ZNF750: variants seen among roughly 807,000 people sequenced by gnomAD.
ZNF750 encodes the protein zinc finger protein 750.
In ZNF750, 10 loss-of-function variants were observed where a neutral mutation model predicts 31.6. That is an observed-to-expected ratio of 0.32 (90% confidence interval 0.19 to 0.54). The LOEUF is 0.54. Among genes scored for constraint, ZNF750 ranks in the 20% least tolerant of loss-of-function variants. The pLI, the probability that ZNF750 is intolerant of heterozygous loss-of-function variation, is 0.95. For synonymous variants in ZNF750, 400 were observed against 404.9 expected (o/e 0.99, Z 0.15); for missense variants, 914 against 934.9 (o/e 0.98, Z 0.29).
In ZNF750 at chr17:82,830,721, C is replaced by T. The variant is rs928667145; in HGVS notation, c.1593G>A (p.Thr531=). Residue 531 remains threonine (T), a synonymous_variant, in exon 3 of 3, where the codon ACG becomes ACA. Coordinates refer to ENST00000269394, the MANE Select transcript of ZNF750 (RefSeq NM_024702.3). ...TTTCCGCCTGGGGGCTGCCTTGGTA[C>T]GTGGGTTCGTGGGTGGCTGCCAGGT... The part of the protein sequence containing the change: ...EINLAATHEP[T]YQGSPQAETA... 2 of 1,613,830 alleles carry T rather than the reference C, an allele frequency of 1.2e-6. No individual in the cohort carries two copies. The highest frequency in any genetic ancestry group is 1.3e-5 in the African/African-American group (1 of 74,872).
chr17:82,837,350 G>A (rs2054078125), intron 1 of ZNF750, among the ~76,000 whole-genome samples: 1 of 152,212 alleles, frequency 6.6e-6, no homozygotes, highest in Admixed American at 6.5e-5. Flanking sequence ...TCTGGCAGCT[G>A]CTGGTGTTAA....
In ZNF750 at chr17:82,832,540, A is replaced by G. The variant is rs970512499; in HGVS notation, c.-86T>C. ...TGCACTTCGTGGTTTCTAAAGAGGC[A>G]CCTCCCGCTTTGCTTTCTTTCCCGA... On this transcript the variant is annotated 5_prime_UTR_variant, in exon 2 of 3. Coordinates refer to ENST00000269394, the MANE Select transcript of ZNF750 (RefSeq NM_024702.3). This position sits in a 1 kb window ranked among gnomAD's most constrained non-coding sequence, Gnocchi z 4.9. The G allele has an allele frequency of 4.1e-6, 5 of 1,217,426 alleles. No individual in the cohort carries two copies. Among genetic ancestry groups the G allele is most frequent in the Non-Finnish European group, 6.0e-6 (5 of 839,468 alleles). The allele number at this position is 1,217,426 out of a possible 1,614,324, so 75.4% of individuals were successfully genotyped here. A position where few individuals can be genotyped will look rare whatever the true frequency, so the allele number is the denominator to read the frequency against.
At position 82,832,908 on chromosome 17, in the gene ZNF750, C is replaced by T. The variant is rs2053645677; in HGVS notation, c.-182-272G>A. The stretch of plus-strand genomic sequence containing the variant: ...TAGAGGTGGAGTGTGGTGTGTGGTG[C>T]GTTGAGTGTCTGTTCTGAGAATGCC... On this transcript the variant is annotated intron_variant, in intron 1 of 2. Transcript: ENST00000269394. The surrounding 1 kb of genome is among the most constrained non-coding windows in gnomAD (Gnocchi z 4.9). 1.3e-5 allele frequency among the ~76,000 whole-genome samples: 2 copies of T among 152,114 alleles called. No individual in the cohort carries two copies. Among genetic ancestry groups the T allele is most frequent in the South Asian group, 4.1e-4 (2 of 4,826 alleles).
chr17:82,829,782 A>G lies in ZNF750; in HGVS notation c.*360T>C, dbSNP rs557352277. On this transcript the variant is annotated 3_prime_UTR_variant, in exon 3 of 3. Coordinates refer to ENST00000269394, the MANE Select transcript of ZNF750 (RefSeq NM_024702.3). ...TTTCAGTAATTGTCATTTACATCAAATATGCAGCTAGAGCTAATAGAAAAA... is the reference window on the plus strand; with the variant it reads ...TTTCAGTAATTGTCATTTACATCAAGTATGCAGCTAGAGCTAATAGAAAAA... 6.6e-4 allele frequency: 149 copies of G among 224,500 alleles called. No individual in the cohort carries two copies. The highest frequency in any genetic ancestry group is 3.1e-3 in the African/African-American group (137 of 44,058). 13.9% of individuals were successfully genotyped at this position (224,500 alleles called of 1,614,324 possible). A position where few individuals can be genotyped will look rare whatever the true frequency, so the allele number is the denominator to read the frequency against.
Position 82,833,264 on chromosome 17 carries a change from G to A in ZNF750, c.-182-628C>T, listed in dbSNP as rs773632787. On this transcript the variant is annotated intron_variant, in intron 1 of 2. Transcript: ENST00000269394. This position sits in a 1 kb window ranked among gnomAD's most constrained non-coding sequence, Gnocchi z 4.7. ...CTGGGAGCTCTCCCAAGTGCTGTGCGCCCCTGCCGTCGGCCTGTAGAACCC... is the reference window on the plus strand; with the variant it reads ...CTGGGAGCTCTCCCAAGTGCTGTGCACCCCTGCCGTCGGCCTGTAGAACCC... Among the ~76,000 whole-genome samples, 11 of 152,028 alleles carry A rather than the reference G, an allele frequency of 7.2e-5. No homozygotes were observed. Among genetic ancestry groups the A allele is most frequent in the Non-Finnish European group, 1.2e-4 (8 of 68,008 alleles).
At position 82,831,333 on chromosome 17, in the gene ZNF750, G is replaced by T. The variant is rs369627802; in HGVS notation, c.1122C>A (p.His374Gln). The change falls in exon 2 of 3, where the codon CAC becomes CAA. Residue 374 changes from histidine (H) to glutamine (Q), a missense_variant. Physicochemically the swap from His to Gln is conservative, Grantham distance 24. Around this residue, in one of 2 missense-constraint regions of ZNF750, gnomAD observed 880 missense variants for 868.9 expected, o/e 1.01. Coordinates refer to ENST00000269394, the MANE Select transcript of ZNF750 (RefSeq NM_024702.3). The surrounding 1 kb of genome is among the most constrained non-coding windows in gnomAD (Gnocchi z 4.6). ...RLNPSDPNRK[H>Q]VEFESPIPEA... is the part of the protein sequence containing the mutation. ...CAGGAATTGGACTTTCGAACTCGAC[G>T]TGTTTTCTGTTGGGGTCCGAAGGGT... The T allele has an allele frequency of 1.2e-6, 2 of 1,614,030 alleles. No homozygotes were observed. The highest frequency in any genetic ancestry group is 2.2e-5 in the East Asian group (1 of 44,874).
intron 1 of ZNF750, among the ~76,000 whole-genome samples, chr17:82,834,729 C>A (rs1421707979): frequency 8.9e-6 from 1 of 111,838 alleles, no homozygotes; most frequent in Non-Finnish European, 1.8e-5. Context: ...GGGTGGGGGT[C>A]GGGGGGAGGG....
rs1338211631 is a variant in ZNF750, at chr17:82,831,165, C to T, written c.1290G>A (p.Leu430=). Residue 430 remains leucine, a synonymous_variant, in exon 2 of 3, where the codon CTG becomes CTA. Transcript: ENST00000269394. The surrounding 1 kb of genome is among the most constrained non-coding windows in gnomAD (Gnocchi z 4.6). ...FMQTSQTCEG[L]YDLSNKAASS... is the part of the protein sequence containing the mutation. The stretch of plus-strand genomic sequence containing the variant: ...AGGCTGCCTTGTTGGAGAGGTCGTA[C>T]AGGCCTTCGCAGGTCTGGCTCGTCT... 5.6e-6 allele frequency: 9 copies of T among 1,614,020 alleles called. No individual in the cohort carries two copies. The highest frequency in any genetic ancestry group is 5.0e-5 in the Admixed American group (3 of 60,006).
Position 82,832,428 on chromosome 17 carries a change from T to G in ZNF750, c.27A>C (p.Pro9=). ...GCCTGGGGATGTAATGTGGCTTTTT[T>G]GGCTTCCGCTCTTTGAGGAGACTCA... is the stretch of plus-strand genomic sequence containing the variant. MSLLKERK[P]KKPHYIPRPP... The change falls in exon 2 of 3, where the codon CCA becomes CCC. Residue 9 remains proline, a synonymous_variant. Transcript: ENST00000269394. This position sits in a 1 kb window ranked among gnomAD's most constrained non-coding sequence, Gnocchi z 4.9. 6.2e-7 allele frequency: 1 copy of G among 1,613,418 alleles called. No homozygotes were observed. Among genetic ancestry groups the G allele is most frequent in the Non-Finnish European group, 8.5e-7 (1 of 1,180,032 alleles).
rs1368262283 is a variant in ZNF750 at position 82,835,273 on chromosome 17, A to G, written c.-182-2637T>C. Among the ~76,000 whole-genome samples, 4 of 151,978 alleles carry G rather than the reference A, an allele frequency of 2.6e-5. No homozygotes were observed. Among genetic ancestry groups the G allele is most frequent in the Non-Finnish European group, 5.9e-5 (4 of 67,972 alleles). On this transcript the variant is annotated intron_variant, in intron 1 of 2. Coordinates refer to ENST00000269394, the MANE Select transcript of ZNF750 (RefSeq NM_024702.3). The surrounding 1 kb of genome is among the most constrained non-coding windows in gnomAD (Gnocchi z 4.5). ...GCAGCTGTCCCTGAAGCAAGGCGCC[A>G]CCCCTCCTCCCTGCACCCGTGTCCT...
rs115050051 is a variant in ZNF750 at position 82,837,386 on chromosome 17, C to T, written c.-183+2541G>A. Among the ~76,000 whole-genome samples, 1,343 of 152,236 alleles carry T rather than the reference C, an allele frequency of 8.8e-3. 16 individuals are homozygous for T. The highest frequency in any genetic ancestry group is 0.031 in the African/African-American group (1,300 of 41,528). On this transcript the variant is annotated intron_variant, in intron 1 of 2. Transcript: ENST00000269394. ...ATATTCCCAAAAGAGTATGTTGTTG[C>T]CCAAACAGTGTAACCCAGAAATCTA... is the stretch of plus-strand genomic sequence containing the variant.
intron 1 of ZNF750, among the ~76,000 whole-genome samples, chr17:82,837,922 T>C (rs1942352391): frequency 6.6e-6 from 1 of 152,182 alleles, no homozygotes; most frequent in African/African-American, 2.4e-5. Flanking sequence ...AACAGTGGGG[T>C]GCAGTGGCTT....
chr17:82,831,324 G>C lies in ZNF750; in HGVS notation c.1131C>G (p.Phe377Leu), dbSNP rs371946502. 4.2e-5 allele frequency: 67 copies of C among 1,613,808 alleles called. No individual in the cohort carries two copies. The highest frequency in any genetic ancestry group is 3.5e-5 in the Non-Finnish European group (41 of 1,180,020). ...CTTTAGCCTCAGGAATTGGACTTTC[G>C]AACTCGACGTGTTTTCTGTTGGGGT... Reference protein sequence around the residue: ...PSDPNRKHVEFESPIPEAKDS... With the variant: ...PSDPNRKHVELESPIPEAKDS... The change falls in exon 2 of 3, where the codon TTC becomes TTG. Residue 377 changes from phenylalanine to leucine, a missense_variant. Transcript: ENST00000269394. The surrounding 1 kb of genome is among the most constrained non-coding windows in gnomAD (Gnocchi z 4.6).
Position 82,829,870 on chromosome 17 carries a change from T to C in ZNF750, c.*272A>G, listed in dbSNP as rs921445834. Reference sequence around the variant, plus strand: ...AAGGAAACATTTATAAAAGATCTTCTGTAAGACAGCTTAGACTTGAAAATA... The same window carrying C: ...AAGGAAACATTTATAAAAGATCTTCCGTAAGACAGCTTAGACTTGAAAATA... On this transcript the variant is annotated 3_prime_UTR_variant, in exon 3 of 3. Coordinates refer to ENST00000269394, the MANE Select transcript of ZNF750 (RefSeq NM_024702.3). 1 of 516,656 alleles carries C rather than the reference T, an allele frequency of 1.9e-6. No individual in the cohort carries two copies. The highest frequency in any genetic ancestry group is 1.9e-5 in the African/African-American group (1 of 52,802). 32.0% of individuals were successfully genotyped at this position (516,656 alleles called of 1,614,324 possible). A position where few individuals can be genotyped will look rare whatever the true frequency, so the allele number is the denominator to read the frequency against.
At position 82,835,385 on chromosome 17, in the gene ZNF750, C is replaced by G. The variant is rs972408806; in HGVS notation, c.-182-2749G>C. The stretch of plus-strand genomic sequence containing the variant: ...TGGGGAAGTGCTCTGATTTTGTTCT[C>G]AGCAAACTGGTTTCTCTACTGATTT... On this transcript the variant is annotated intron_variant, in intron 1 of 2. Transcript: ENST00000269394. The surrounding 1 kb of genome is among the most constrained non-coding windows in gnomAD (Gnocchi z 4.5). 6.6e-6 allele frequency among the ~76,000 whole-genome samples: 1 copy of G among 152,106 alleles called. No homozygotes were observed. The highest frequency in any genetic ancestry group is 6.5e-5 in the Admixed American group (1 of 15,282).
At chr17:82,839,740 A>G (rs1289207726) in intron 1 of ZNF750, among the ~76,000 whole-genome samples, 187 bp downstream of exon 1, 1 of 152,246 alleles carries the variant, frequency 6.6e-6, no homozygotes, top group Non-Finnish European at 1.5e-5. Context: ...TGTCAGCCTC[A>G]TTAGAAGTTT....
chr17:82,838,675 A>G (rs1345800722), intron 1 of ZNF750: 1 of 985,334 alleles, frequency 1.0e-6, no homozygotes, highest in African/African-American at 1.7e-5. Context: ...ACTCCCTCCC[A>G]GCCTTTCGGT....
In ZNF750 at chr17:82,830,622, C is replaced by T. The variant is rs758825441; in HGVS notation, c.1692G>A (p.Pro564=). Reference sequence around the variant, plus strand: ...GTGGTCGACCGGGGAAGGCAGGCCTCGGAGCCTGGGTGTTACAGGGGTCCT... The same window carrying T: ...GTGGTCGACCGGGGAAGGCAGGCCTTGGAGCCTGGGTGTTACAGGGGTCCT... ...SVKDPCNTQA[P]RPAFPGRPRA... is the part of the protein sequence containing the mutation. Residue 564 remains proline, a synonymous_variant, in exon 3 of 3, where the codon CCG becomes CCA. Transcript: ENST00000269394. 2.5e-6 allele frequency: 4 copies of T among 1,613,900 alleles called. No individual in the cohort carries two copies. Among genetic ancestry groups the T allele is most frequent in the East Asian group, 2.2e-5 (1 of 44,878 alleles).
At position 82,831,666 on chromosome 17, in the gene ZNF750, C is replaced by T. The variant is rs528607524; in HGVS notation, c.789G>A (p.Gly263=). 3.0e-4 allele frequency: 482 copies of T among 1,614,096 alleles called. 9 individuals carry two copies. In the South Asian group the frequency reaches 5.0e-3, roughly 17 times the overall value. ...GGGGTGCGTCACACTCAGGCGAGCT[C>T]CCAGCCAGCAGGTAAGGCGAGTAGA... The part of the protein sequence containing the change: ...ATIYSPYLLA[G]SSPECDAPLL... The change falls in exon 2 of 3, where the codon GGG becomes GGA. Residue 263 remains glycine, a synonymous_variant. Coordinates refer to ENST00000269394, the MANE Select transcript of ZNF750 (RefSeq NM_024702.3). This position sits in a 1 kb window ranked among gnomAD's most constrained non-coding sequence, Gnocchi z 4.6.
Sources: allele counts gnomAD v4.1 joint callset (sites outside exome capture counted in the v4.1 genomes callset), GRCh38; gene constraint gnomAD v4.1.1; regional missense constraint gnomAD v4.1.1; non-coding constraint Gnocchi (gnomAD v3.1); transcripts MANE v1.5; gene names NCBI Gene and HGNC (gene_info 2026-07-23, HGNC 2026-07-21).